KLHDC4: variants seen among roughly 807,000 people sequenced by gnomAD.
KLHDC4 encodes kelch domain-containing protein 4.
Under a neutral mutation model 62.4 loss-of-function variants are expected in KLHDC4, and 90 were observed. The ratio of observed to expected loss-of-function variants is 1.44; its 90% CI spans 1.22 to 1.72. The LOEUF is 1.72. Ranked by LOEUF, KLHDC4 falls within the 40% of genes most tolerant of loss-of-function variation. KLHDC4 has a pLI of 0.00. For missense variants in KLHDC4, 1,025 were observed against 699.7 expected, an observed-to-expected ratio of 1.47 and a Z score of -5.25; for synonymous variants, 386 against 284.4, an observed-to-expected ratio of 1.36 and a Z score of -3.59.
downstream of KLHDC4, among the ~76,000 whole-genome samples, chr16:87,705,057 G>T (rs1053124259): frequency 1.6e-4 from 24 of 152,340 alleles, no homozygotes; most frequent in Non-Finnish European, 3.1e-4. Flanking sequence ...CCACCCTGCA[G>T]TCAGGGGTCT....
downstream of KLHDC4, among the ~76,000 whole-genome samples, chr16:87,707,323 C>A (rs1001772952): frequency 1.3e-5 from 2 of 152,224 alleles, no homozygotes; most frequent in African/African-American, 4.8e-5. Flanking sequence ...CCCTTCCTGT[C>A]GCTTTGCAAA....
intron 4 of KLHDC4, among the ~76,000 whole-genome samples, chr16:87,753,176 C>A (rs528799788): frequency 6.6e-6 from 1 of 152,180 alleles, no homozygotes; most frequent in African/African-American, 2.4e-5. Flanking sequence ...GAGAAAAAGC[C>A]CTGGAAATCT....
At position 87,749,822 on chromosome 16, in the gene KLHDC4, C is replaced by T. The variant is rs75747964; in HGVS notation, c.370-1013G>A. ...AACTCCTGGCTTTAGTCAATTCTCC[C>T]GCCTCGGCCTCCCAAAGCACACTGG... On this transcript the variant is annotated intron_variant, in intron 4 of 11. Coordinates refer to ENST00000270583, the MANE Select transcript of KLHDC4 (RefSeq NM_017566.4). 1.5e-3 allele frequency among the ~76,000 whole-genome samples: 229 copies of T among 152,294 alleles called. 1 individual carries two copies. In the East Asian group the frequency reaches 0.019, roughly 13 times the overall value.
chr16:87,757,052 T>C (rs987789561), intron 2 of KLHDC4, among the ~76,000 whole-genome samples: 1 of 151,942 alleles, frequency 6.6e-6, no homozygotes, highest in Admixed American at 6.6e-5. Flanking sequence ...GGACCTCAAG[T>C]GATCTGCCCA....
At chr16:87,711,554 C>T (rs750779696) in intron 8 of KLHDC4, 111 bp from the exon 9 acceptor site, 12 of 893,886 alleles carry the variant, frequency 1.3e-5, no homozygotes, top group Admixed American at 2.9e-5. Context: ...TAAATGAAAA[C>T]CGTGAGACTG....
At chr16:87,725,444 C>T (rs1364807997) in intron 7 of KLHDC4, among the ~76,000 whole-genome samples, 4 of 152,150 alleles carry the variant, frequency 2.6e-5, no homozygotes, top group Non-Finnish European at 4.4e-5. Flanking sequence ...GGATTACAGG[C>T]GTGAGCCACC....
intron 5 of KLHDC4, among the ~76,000 whole-genome samples, chr16:87,743,759 GTAAA>G (rs150501348): frequency 0.027 from 4,052 of 151,894 alleles, 174 homozygotes; most frequent in African/African-American, 0.092. Context: ...AAAAATAAAA[GTAAA>G]TAAATAAATA....
At chr16:87,764,925 G>A (rs1317327099) in intron 1 of KLHDC4, 2 of 348,810 alleles carry the variant, frequency 5.7e-6, no homozygotes, top group Non-Finnish European at 1.1e-5. Flanking sequence ...AGAGATCAAT[G>A]ACTTAGGAAG....
intron 7 of KLHDC4, among the ~76,000 whole-genome samples, chr16:87,721,367 T>A (rs994589903): frequency 1.0e-4 from 15 of 145,312 alleles, no homozygotes; most frequent in East Asian, 1.0e-3. Flanking sequence ...TGCGCCGAGA[T>A]TGCCCCACTG....
downstream of KLHDC4, among the ~76,000 whole-genome samples, chr16:87,707,288 G>A (rs946629439): frequency 6.6e-5 from 10 of 152,218 alleles, no homozygotes; most frequent in East Asian, 5.8e-4. Context: ...ATGTGGGGAC[G>A]TTGGGAGCCC....
chr16:87,728,057 G>T (rs556410017), intron 6 of KLHDC4, among the ~76,000 whole-genome samples: 1 of 152,216 alleles, frequency 6.6e-6, no homozygotes, highest in South Asian at 2.1e-4. Flanking sequence ...CATGGGGGCG[G>T]GTGCCTATAA....
intron 2 of KLHDC4, among the ~76,000 whole-genome samples, chr16:87,758,199 G>A (rs2045295003): frequency 6.6e-6 from 1 of 152,176 alleles, no homozygotes; most frequent in African/African-American, 2.4e-5. Context: ...GCTAAACACA[G>A]AATCACCACA....
At chr16:87,706,961 G>A (rs1290294365), downstream of KLHDC4, among the ~76,000 whole-genome samples, 1 of 152,216 alleles carries the variant, frequency 6.6e-6, no homozygotes, top group Non-Finnish European at 1.5e-5. Context: ...GGCTCCGCCA[G>A]GAGGGAAGTC....
chr16:87,748,477 C>T (rs563172072), intron 5 of KLHDC4, among the ~76,000 whole-genome samples, 196 bp downstream of exon 5: 4 of 152,168 alleles, frequency 2.6e-5, no homozygotes, highest in South Asian at 2.1e-4. Flanking sequence ...TGGCACCCCC[C>T]ACACCCGGCC....
At chr16:87,705,161 G>A (rs925323899), downstream of KLHDC4, among the ~76,000 whole-genome samples, 10 of 152,238 alleles carry the variant, frequency 6.6e-5, no homozygotes, top group Non-Finnish European at 1.0e-4. Flanking sequence ...GTGGCACCGA[G>A]TACGGCGTGT....
chr16:87,711,051 C>A, intron 9 of KLHDC4, 184 bp downstream of exon 9: 1 of 612,826 alleles, frequency 1.6e-6, no homozygotes, highest in Non-Finnish European at 2.8e-6. Flanking sequence ...CTAAGGGGAC[C>A]GTGACCAAGG....
At chr16:87,702,190 A>G (rs1290938692) in exon 1 of KLHDC4, 2 of 456,140 alleles carry the variant, frequency 4.4e-6, no homozygotes, top group Non-Finnish European at 8.8e-6. Context: ...CAACCTTGAC[A>G]ACCCAAGGGC....
intron 2 of KLHDC4, chr16:87,757,466 GA>G (rs56735340): frequency 0.01 from 855 of 82,558 alleles, 3 homozygotes; most frequent in African/African-American, 0.019. Flanking sequence ...GATTCCATCT[GA>G]AAAAAAAAAA....
chr16:87,746,320 G>A (rs1228450033), intron 5 of KLHDC4, among the ~76,000 whole-genome samples: 1 of 151,724 alleles, frequency 6.6e-6, no homozygotes, highest in African/African-American at 2.4e-5. Context: ...AGAGAGAAAA[G>A]AGACAGAGAG....
Sources: allele counts gnomAD v4.1 joint callset (sites outside exome capture counted in the v4.1 genomes callset), GRCh38; gene constraint gnomAD v4.1.1; transcripts MANE v1.5; gene names NCBI Gene and HGNC (gene_info 2026-07-23, HGNC 2026-07-21).